The following FBXO8 variants were observed in gnomAD, a reference collection of about 807,000 sequenced individuals.
The protein encoded by FBXO8 is F-box only protein 8.
In FBXO8, 15 loss-of-function variants were observed where a neutral mutation model predicts 33.4. The observed-to-expected ratio is 0.45, with a 90% CI of 0.30 to 0.69. FBXO8 has a LOEUF of 0.69. Among genes scored for constraint, FBXO8 ranks in the 30% least tolerant of loss-of-function variants. FBXO8 has a pLI of 0.08. For synonymous variants in FBXO8, 132 were observed against 131.5 expected, an observed-to-expected ratio of 1.00 and a Z score of -0.02; for missense variants, 274 against 380.3, an observed-to-expected ratio of 0.72 and a Z score of 2.32.
rs901992933 is a variant in FBXO8, at chr4:174,261,984, T to C, written c.329+780A>G. On this transcript the variant is annotated intron_variant, in intron 2 of 5. Transcript: ENST00000393674. This position sits in a 1 kb window ranked among gnomAD's most constrained non-coding sequence, Gnocchi z 4.1. The stretch of plus-strand genomic sequence containing the variant: ...TCCAATGATTCCATGTTTGGTAATA[T>C]TTTTAGGCCAAAAAATCATGTACCT... 6.6e-6 allele frequency among the ~76,000 whole-genome samples: 1 copy of C among 152,056 alleles called. No individual in the cohort carries two copies. The highest frequency in any genetic ancestry group is 6.5e-5 in the Admixed American group (1 of 15,268).
intron 3 of FBXO8, among the ~76,000 whole-genome samples, chr4:174,249,990 C>T (rs1274577686): frequency 6.6e-6 from 1 of 152,006 alleles, no homozygotes; most frequent in Non-Finnish European, 1.5e-5. Flanking sequence ...GGAAGAACGT[C>T]AAGGCCTAGA....
At chr4:174,268,087 T>A (rs1055003267) in intron 1 of FBXO8, among the ~76,000 whole-genome samples, 1 of 152,254 alleles carries the variant, frequency 6.6e-6, no homozygotes, top group African/African-American at 2.4e-5. Context: ...GAAACACGGT[T>A]GCTTCTTGTT....
chr4:174,282,534 C>T (rs957017781), intron 1 of FBXO8, among the ~76,000 whole-genome samples: 3 of 152,126 alleles, frequency 2.0e-5, no homozygotes, highest in Admixed American at 1.3e-4. Flanking sequence ...TATTCTGAAA[C>T]CTACTCTGTT....
rs1736415589 is a variant in FBXO8, at chr4:174,256,400, C to G, written c.456+3299G>C. On this transcript the variant is annotated intron_variant, in intron 3 of 5. Transcript: ENST00000393674. The surrounding 1 kb of genome is among the most constrained non-coding windows in gnomAD (Gnocchi z 4.6). ...GAGTGGGGAAAAAGAAAACAAAATA[C>G]AGTCTCCAAAAAGTACTGCCTAATT... Among the ~76,000 whole-genome samples the G allele has an allele frequency of 6.6e-6, 1 of 152,124 alleles. No individual in the cohort carries two copies. The highest frequency in any genetic ancestry group is 1.5e-5 in the Non-Finnish European group (1 of 68,000).
Position 174,259,792 on chromosome 4 carries a change from T to C in FBXO8, c.363A>G (p.Ile121Met). The change falls in exon 3 of 6, where the codon ATA (isoleucine) becomes ATG (methionine). Residue 121 changes from isoleucine (I) to methionine (M), a missense_variant. Around this residue, in one of 2 missense-constraint regions of FBXO8, gnomAD observed 186 missense variants for 293.4 expected, o/e 0.63. Transcript: ENST00000393674. The surrounding 1 kb of genome is among the most constrained non-coding windows in gnomAD (Gnocchi z 4.3). ...LCKSTWGHCS[I>M]YNKNPPLGFS... is the part of the protein sequence containing the mutation. The stretch of plus-strand genomic sequence containing the variant: ...ATCCTAAAGGTGGGTTCTTATTGTA[T>C]ATGGAACAGTGACCCCAAGTGGATT... The C allele has an allele frequency of 4.4e-6, 7 of 1,607,898 alleles. No individual in the cohort carries two copies. Among genetic ancestry groups the C allele is most frequent in the Non-Finnish European group, 5.9e-6 (7 of 1,177,966 alleles).
Position 174,255,692 on chromosome 4 carries a change from AC to A in FBXO8, c.456+4006del. ...AAAAATAAGCCTATATTAAAGTTAA[AC>A]CATGTTCACTACCAATTTTTCAGAT... On this transcript the variant is annotated intron_variant, in intron 3 of 5. Coordinates refer to ENST00000393674, the MANE Select transcript of FBXO8 (RefSeq NM_012180.3). This position sits in a 1 kb window ranked among gnomAD's most constrained non-coding sequence, Gnocchi z 4.3. Among the ~76,000 whole-genome samples, 1 of 152,166 alleles carries A rather than the reference AC, an allele frequency of 6.6e-6. No homozygotes were observed. Among genetic ancestry groups the A allele is most frequent in the Non-Finnish European group, 1.5e-5 (1 of 68,016 alleles).
At position 174,270,680 on chromosome 4, in the gene FBXO8, G is replaced by A. The variant is rs1027652826; in HGVS notation, c.-8-7580C>T. Among the ~76,000 whole-genome samples, 6 of 150,482 alleles carry A rather than the reference G, an allele frequency of 4.0e-5. No individual in the cohort carries two copies. Among genetic ancestry groups the A allele is most frequent in the Admixed American group, 6.6e-5 (1 of 15,068 alleles). On this transcript the variant is annotated intron_variant, in intron 1 of 5. Transcript: ENST00000393674. This position sits in a 1 kb window ranked among gnomAD's most constrained non-coding sequence, Gnocchi z 4.6. ...TTCCCCAGCTGCAGTGCAATGGCGC[G>A]ATCTCGGCTCACTGCAACCTCCACC...
At chr4:174,268,148 T>C (rs1292337248) in intron 1 of FBXO8, among the ~76,000 whole-genome samples, 1 of 152,246 alleles carries the variant, frequency 6.6e-6, no homozygotes, top group Admixed American at 6.5e-5. Flanking sequence ...GAATTAGCAA[T>C]ACTGAACCAT....
chr4:174,247,806 TAGC>T lies in FBXO8; in HGVS notation c.457-6591_457-6589del, dbSNP rs1736194295. ...ACATCCCCATTGTTTTGTTTGCAAA[TAGC>T]AGCAGCAATGGTTAAGATGACTGCT... is the stretch of plus-strand genomic sequence containing the variant. On this transcript the variant is annotated intron_variant, in intron 3 of 5. Transcript: ENST00000393674. The surrounding 1 kb of genome is among the most constrained non-coding windows in gnomAD (Gnocchi z 4.6). Among the ~76,000 whole-genome samples, 1 of 152,088 alleles carries T rather than the reference TAGC, an allele frequency of 6.6e-6. No homozygotes were observed. Among genetic ancestry groups the T allele is most frequent in the Non-Finnish European group, 1.5e-5 (1 of 67,964 alleles).
Position 174,270,391 on chromosome 4 carries a change from A to G in FBXO8, c.-8-7291T>C, listed in dbSNP as rs867320526. Among the ~76,000 whole-genome samples, 4 of 152,186 alleles carry G rather than the reference A, an allele frequency of 2.6e-5. No homozygotes were observed. Among genetic ancestry groups the G allele is most frequent in the Admixed American group, 1.3e-4 (2 of 15,290 alleles). Reference sequence around the variant, plus strand: ...GAGGTATTTATCTAGAAGACTGCATAAAGTTTCCTACTTAGCTAAAGGTCC... The same window carrying G: ...GAGGTATTTATCTAGAAGACTGCATGAAGTTTCCTACTTAGCTAAAGGTCC... On this transcript the variant is annotated intron_variant, in intron 1 of 5. Coordinates refer to ENST00000393674, the MANE Select transcript of FBXO8 (RefSeq NM_012180.3). This position sits in a 1 kb window ranked among gnomAD's most constrained non-coding sequence, Gnocchi z 4.6.
In FBXO8 at chr4:174,259,593, C is replaced by T; in HGVS notation, c.456+106G>A. On this transcript the variant is annotated intron_variant, in intron 3 of 5. Transcript: ENST00000393674. The surrounding 1 kb of genome is among the most constrained non-coding windows in gnomAD (Gnocchi z 4.3). ...TTGGTTTTCTCAGTGATCAAAAAAG[C>T]ATGTTCAATGACTTTTTGTTTTCCC... The T allele has an allele frequency of 1.4e-6, 2 of 1,385,972 alleles. No homozygotes were observed. The highest frequency in any genetic ancestry group is 9.9e-7 in the Non-Finnish European group (1 of 1,007,810). The allele number at this position is 1,385,972 out of a possible 1,614,324, so 85.9% of individuals were successfully genotyped here.
intron 5 of FBXO8, 79 bp downstream of exon 5, chr4:174,238,915 G>A: frequency 2.2e-6 from 2 of 906,664 alleles, no homozygotes; most frequent in Non-Finnish European, 3.1e-6. Flanking sequence ...TCCCCACAGT[G>A]AGACAAATGT....
rs1369647680 is a variant in FBXO8, at chr4:174,259,516, A to T, written c.456+183T>A. On this transcript the variant is annotated intron_variant, in intron 3 of 5. Transcript: ENST00000393674. This position sits in a 1 kb window ranked among gnomAD's most constrained non-coding sequence, Gnocchi z 4.3. ...GAACAGGTAGAAAGGTTAGAACGTGACATGGTAAGGCGAAGAAAAATGACT... is the reference window on the plus strand; with the variant it reads ...GAACAGGTAGAAAGGTTAGAACGTGTCATGGTAAGGCGAAGAAAAATGACT... Among the ~76,000 whole-genome samples the T allele has an allele frequency of 6.6e-6, 1 of 152,120 alleles. No homozygotes were observed. Among genetic ancestry groups the T allele is most frequent in the Non-Finnish European group, 1.5e-5 (1 of 67,954 alleles).
At chr4:174,244,571 C>A (rs1376550621) in intron 3 of FBXO8, among the ~76,000 whole-genome samples, 2 of 151,480 alleles carry the variant, frequency 1.3e-5, no homozygotes, top group Non-Finnish European at 3.0e-5. Context: ...AATGTAGTTC[C>A]TTTTTATTTG....
chr4:174,267,870 AG>A lies in FBXO8; in HGVS notation c.-8-4771del, dbSNP rs1422177531. ...ATGTGGAATCACTGAATATGCAAAAAGTTTCAAATTCAAAAAAAATTCAACA... is the reference window on the plus strand; with the variant it reads ...ATGTGGAATCACTGAATATGCAAAAATTTCAAATTCAAAAAAAATTCAACA... On this transcript the variant is annotated intron_variant, in intron 1 of 5. Coordinates refer to ENST00000393674, the MANE Select transcript of FBXO8 (RefSeq NM_012180.3). This position sits in a 1 kb window ranked among gnomAD's most constrained non-coding sequence, Gnocchi z 4.7. Among the ~76,000 whole-genome samples, 1 of 152,232 alleles carries A rather than the reference AG, an allele frequency of 6.6e-6. No individual in the cohort carries two copies. The highest frequency in any genetic ancestry group is 1.5e-5 in the Non-Finnish European group (1 of 68,038).
At position 174,261,133 on chromosome 4, in the gene FBXO8, G is replaced by A. The variant is rs983969019; in HGVS notation, c.330-1308C>T. Among the ~76,000 whole-genome samples, 2 of 151,790 alleles carry A rather than the reference G, an allele frequency of 1.3e-5. No individual in the cohort carries two copies. The highest frequency in any genetic ancestry group is 2.4e-5 in the African/African-American group (1 of 41,388). On this transcript the variant is annotated intron_variant, in intron 2 of 5. Coordinates refer to ENST00000393674, the MANE Select transcript of FBXO8 (RefSeq NM_012180.3). The surrounding 1 kb of genome is among the most constrained non-coding windows in gnomAD (Gnocchi z 4.1). ...CTCAAAACTGTAAGTATAAAAAATTGTTTAGAATATTATCAATATTTTTTC... is the reference window on the plus strand; with the variant it reads ...CTCAAAACTGTAAGTATAAAAAATTATTTAGAATATTATCAATATTTTTTC...
chr4:174,259,596 G>T lies in FBXO8; in HGVS notation c.456+103C>A. The stretch of plus-strand genomic sequence containing the variant: ...GTTTTCTCAGTGATCAAAAAAGCAT[G>T]TTCAATGACTTTTTGTTTTCCCTGC... On this transcript the variant is annotated intron_variant, in intron 3 of 5. Coordinates refer to ENST00000393674, the MANE Select transcript of FBXO8 (RefSeq NM_012180.3). The surrounding 1 kb of genome is among the most constrained non-coding windows in gnomAD (Gnocchi z 4.3). 1 of 1,416,050 alleles carries T rather than the reference G, an allele frequency of 7.1e-7. No homozygotes were observed. The highest frequency in any genetic ancestry group is 9.7e-7 in the Non-Finnish European group (1 of 1,034,472). The allele number at this position is 1,416,050 out of a possible 1,614,324, so 87.7% of individuals were successfully genotyped here.
chr4:174,276,362 C>T (rs1036696816), intron 1 of FBXO8, among the ~76,000 whole-genome samples: 5 of 152,074 alleles, frequency 3.3e-5, no homozygotes, highest in South Asian at 4.1e-4. Flanking sequence ...CTCAGTCTCC[C>T]GAGTAGCTGG....
In FBXO8 at chr4:174,263,911, C is replaced by G. The variant is rs148859978; in HGVS notation, c.-8-811G>C. On this transcript the variant is annotated intron_variant, in intron 1 of 5. Transcript: ENST00000393674. This position sits in a 1 kb window ranked among gnomAD's most constrained non-coding sequence, Gnocchi z 4.2. ...TACATTTGTCTGTCACATATATTGA[C>G]TTCCTCATGTACAAATGTATTAGAA... Among the ~76,000 whole-genome samples the G allele has an allele frequency of 1.7e-3, 255 of 152,172 alleles. No individual in the cohort carries two copies. The highest frequency in any genetic ancestry group is 2.9e-3 in the Non-Finnish European group (195 of 68,022).
Sources: allele counts gnomAD v4.1 joint callset (sites outside exome capture counted in the v4.1 genomes callset), GRCh38; gene constraint gnomAD v4.1.1; regional missense constraint gnomAD v4.1.1; non-coding constraint Gnocchi (gnomAD v3.1); transcripts MANE v1.5; gene names NCBI Gene and HGNC (gene_info 2026-07-23, HGNC 2026-07-21).